Variants in CGNL1 observed in about 807,000 individuals in gnomAD.
CGNL1 encodes the protein cingulin like 1.
Under a neutral mutation model 141.2 loss-of-function variants are expected in CGNL1, and 132 were observed. That is an observed-to-expected ratio of 0.93 (90% confidence interval 0.81 to 1.08). The LOEUF is 1.08. Ranked by LOEUF, CGNL1 falls within the 50% of genes least tolerant of loss-of-function variation. The pLI is 0.00. For missense variants in CGNL1, 1,870 were observed against 1,588.6 expected (o/e 1.18, Z -3.01); for synonymous variants, 690 against 622.1 (o/e 1.11, Z -1.63).
At chr15:57,471,530 C>T (rs1174337767) in intron 8 of CGNL1, among the ~76,000 whole-genome samples, 10 of 152,166 alleles carry the variant, frequency 6.6e-5, no homozygotes, top group South Asian at 6.2e-4. Context: ...AGGCAGCGTG[C>T]GGAGAAAGTG....
Position 57,438,224 on chromosome 15 carries a change from C to G in CGNL1, c.225C>G (p.Pro75=), listed in dbSNP as rs1481456615. ...AGTSFSENGP[P]FPPPVINNLP... is the part of the protein sequence containing the mutation. ...CATCGTTTTCTGAAAATGGGCCACC[C>G]TTTCCACCTCCAGTGATAAATAACC... Residue 75 remains proline, a synonymous_variant, in exon 2 of 19, where the codon CCC becomes CCG. Transcript: ENST00000281282. 1.9e-6 allele frequency: 3 copies of G among 1,614,202 alleles called. No individual in the cohort carries two copies. The highest frequency in any genetic ancestry group is 2.2e-5 in the East Asian group (1 of 44,870).
intron 12 of CGNL1, chr15:57,527,779 T>TCCC (rs2031705602): frequency 6.6e-6 from 1 of 152,260 alleles, no homozygotes; most frequent in African/African-American, 2.4e-5. Context: ...TGTGCCTGTG[T>TCCC]ATGTTGTTAG....
intron 1 of CGNL1, among the ~76,000 whole-genome samples, chr15:57,425,016 T>G (rs2152287644): frequency 6.6e-6 from 1 of 152,374 alleles, no homozygotes; most frequent in Non-Finnish European, 1.5e-5. Flanking sequence ...TATTTGTACA[T>G]TTTATGAGAA....
intron 8 of CGNL1, among the ~76,000 whole-genome samples, chr15:57,476,378 A>G (rs1428922349): frequency 6.6e-6 from 1 of 152,228 alleles, no homozygotes; most frequent in Non-Finnish European, 1.5e-5. Context: ...CTTTAGGGGT[A>G]ACCATTTTCC....
intron 3 of CGNL1, among the ~76,000 whole-genome samples, chr15:57,440,727 C>G (rs1024521300): frequency 1.3e-5 from 2 of 152,138 alleles, no homozygotes; most frequent in African/African-American, 2.4e-5. Context: ...TGACCCTTTA[C>G]TATTTCAAAA....
At chr15:57,535,853 A>G (rs1473296042) in intron 14 of CGNL1, among the ~76,000 whole-genome samples, 2 of 152,196 alleles carry the variant, frequency 1.3e-5, no homozygotes, top group Non-Finnish European at 2.9e-5. Context: ...GCAGAGGACA[A>G]GGAAGGCTGT....
chr15:57,484,882 A>G (rs1187841193), intron 8 of CGNL1, among the ~76,000 whole-genome samples: 3 of 150,440 alleles, frequency 2.0e-5, no homozygotes, highest in Non-Finnish European at 3.0e-5. Context: ...TGCAAAGGAT[A>G]TGAACTCATT....
chr15:57,477,289 T>A (rs1264823252), intron 8 of CGNL1, among the ~76,000 whole-genome samples: 3 of 152,214 alleles, frequency 2.0e-5, no homozygotes, highest in Non-Finnish European at 2.9e-5. Context: ...AATCTTGTTT[T>A]TTCCATCCCT....
In CGNL1 at chr15:57,516,768, T is replaced by C; in HGVS notation, c.2404-12T>C. 1 of 1,613,498 alleles carries C rather than the reference T, an allele frequency of 6.2e-7. No homozygotes were observed. The highest frequency in any genetic ancestry group is 1.1e-5 in the South Asian group (1 of 90,994). ...TCAGTCTCCTTGTTCATTTGCTTTGTGTTTTTAACAGAATGTCGAGGTCTT... is the reference window on the plus strand; with the variant it reads ...TCAGTCTCCTTGTTCATTTGCTTTGCGTTTTTAACAGAATGTCGAGGTCTT... On this transcript the variant is annotated splice_polypyrimidine_tract_variant and intron_variant, in intron 8 of 18. Coordinates refer to ENST00000281282, the MANE Select transcript of CGNL1 (RefSeq NM_032866.5).
At chr15:57,538,466 C>T (rs1250599922) in intron 14 of CGNL1, among the ~76,000 whole-genome samples, 1 of 152,064 alleles carries the variant, frequency 6.6e-6, no homozygotes, top group African/African-American at 2.4e-5. Flanking sequence ...TAAATAATTC[C>T]TTTTTTTGCC....
chr15:57,382,886 T>C (rs1434787512), intron 1 of CGNL1, among the ~76,000 whole-genome samples: 1 of 152,220 alleles, frequency 6.6e-6, no homozygotes, highest in Non-Finnish European at 1.5e-5. Flanking sequence ...GGGGCTCTTT[T>C]GACTTGATTA....
At chr15:57,484,289 T>C (rs2063761059) in intron 8 of CGNL1, among the ~76,000 whole-genome samples, 2 of 152,218 alleles carry the variant, frequency 1.3e-5, no homozygotes, top group African/African-American at 4.8e-5. Context: ...TTAATAGTTA[T>C]GAGGCTATTC....
chr15:57,402,979 T>TAAGG (rs1483985872), intron 1 of CGNL1, among the ~76,000 whole-genome samples: 1 of 152,192 alleles, frequency 6.6e-6, no homozygotes, highest in Non-Finnish European at 1.5e-5. Context: ...AATGAAAATA[T>TAAGG]AAGGGGTGGG....
intron 1 of CGNL1, among the ~76,000 whole-genome samples, chr15:57,424,403 C>A (rs1335729007): frequency 2.6e-5 from 4 of 152,184 alleles, no homozygotes; most frequent in Non-Finnish European, 5.9e-5. Context: ...GTTTCTTATT[C>A]ATCCTCACTC....
intron 1 of CGNL1, among the ~76,000 whole-genome samples, chr15:57,385,119 T>C (rs2062468736): frequency 6.6e-6 from 1 of 152,218 alleles, no homozygotes; most frequent in African/African-American, 2.4e-5. Flanking sequence ...TCGGGGCTGC[T>C]CTTGTCATCA....
intron 18 of CGNL1, 126 bp downstream of exon 18, chr15:57,546,365 G>C: frequency 8.7e-7 from 1 of 1,151,942 alleles, no homozygotes; most frequent in Non-Finnish European, 1.2e-6. Flanking sequence ...TGGGGTTATC[G>C]TATCTTAGAG....
intron 1 of CGNL1, among the ~76,000 whole-genome samples, chr15:57,383,446 G>A (rs1332654035): frequency 1.3e-5 from 2 of 151,388 alleles, no homozygotes; most frequent in Non-Finnish European, 1.5e-5. Flanking sequence ...CTACAGGCAC[G>A]TGCCACGACG....
chr15:57,415,400 C>G (rs1319954338), intron 1 of CGNL1, among the ~76,000 whole-genome samples: 1 of 152,160 alleles, frequency 6.6e-6, no homozygotes, highest in East Asian at 1.9e-4. Context: ...ACAATGGAAG[C>G]AAAGCCAGAG....
intron 1 of CGNL1, among the ~76,000 whole-genome samples, chr15:57,385,827 C>T (rs2062476723): frequency 6.6e-6 from 1 of 152,202 alleles, no homozygotes; most frequent in African/African-American, 2.4e-5. Context: ...ATCTAATGGG[C>T]CAAGGCCAAG....
Sources: gnomAD v4.1 joint callset for allele counts (sites outside exome capture counted in the v4.1 genomes callset) on GRCh38, gnomAD v4.1.1 for gene constraint, MANE v1.5 for transcripts, NCBI Gene and HGNC (gene_info 2026-07-23, HGNC 2026-07-21) for gene names.